Variants in CNTN5 observed in about 807,000 individuals in gnomAD.
CNTN5 encodes contactin-5.
In CNTN5, 77 loss-of-function variants were observed where a neutral mutation model predicts 129.1. That is an observed-to-expected ratio of 0.60 (90% CI 0.50 to 0.72). The LOEUF is 0.72. Among genes scored for constraint, CNTN5 ranks in the 30% least tolerant of loss-of-function variants. The pLI, the probability that CNTN5 is intolerant of heterozygous loss-of-function variation, is 0.00. For synonymous variants in CNTN5, 509 were observed against 465.6 expected, an observed-to-expected ratio of 1.09 and a Z score of -1.20; for missense variants, 1,478 against 1,328.8, an observed-to-expected ratio of 1.11 and a Z score of -1.75.
intron 2 of CNTN5, among the ~76,000 whole-genome samples, chr11:99,501,211 A>G (rs1266664368): frequency 2.0e-5 from 3 of 152,146 alleles, no homozygotes; most frequent in African/African-American, 7.2e-5. Context: ...ATTGAGTTGA[A>G]TCTACTATTC....
intron 1 of CNTN5, among the ~76,000 whole-genome samples, chr11:99,294,569 A>C (rs1048105249): frequency 6.6e-6 from 1 of 152,332 alleles, no homozygotes; most frequent in African/African-American, 2.4e-5. Context: ...TGGATGAAGT[A>C]ATATTGTTAT....
At chr11:99,171,287 T>C (rs1861137684) in intron 1 of CNTN5, among the ~76,000 whole-genome samples, 1 of 152,194 alleles carries the variant, frequency 6.6e-6, no homozygotes, top group Admixed American at 6.6e-5. Flanking sequence ...AAAATTTGCA[T>C]AGAGAGTGAT....
intron 2 of CNTN5, among the ~76,000 whole-genome samples, chr11:99,453,388 G>T (rs1256893382): frequency 2.0e-5 from 3 of 152,124 alleles, no homozygotes; most frequent in Non-Finnish European, 4.4e-5. Flanking sequence ...ATTCATAACT[G>T]AAACCATTTG....
At chr11:99,582,580 C>G (rs917647546) in intron 3 of CNTN5, among the ~76,000 whole-genome samples, 42 of 152,320 alleles carry the variant, frequency 2.8e-4, no homozygotes, top group African/African-American at 8.9e-4. Context: ...TTCATTTCGT[C>G]TTCCATCGCT....
At chr11:99,793,146 T>C (rs909493326) in intron 3 of CNTN5, among the ~76,000 whole-genome samples, 1 of 151,770 alleles carries the variant, frequency 6.6e-6, no homozygotes, top group African/African-American at 2.4e-5. Context: ...TGCAACCTCT[T>C]CCTCCCAGGT....
intron 2 of CNTN5, among the ~76,000 whole-genome samples, chr11:99,521,708 G>A (rs186595008): frequency 6.6e-6 from 1 of 152,302 alleles, no homozygotes; most frequent in Non-Finnish European, 1.5e-5. Flanking sequence ...TCTTGTTGCT[G>A]TAGTTGACTC....
intron 1 of CNTN5, among the ~76,000 whole-genome samples, chr11:99,180,203 A>C (rs750342818): frequency 4.2e-4 from 64 of 152,342 alleles, no homozygotes; most frequent in Non-Finnish European, 8.1e-4. Flanking sequence ...CAAATGATAT[A>C]ATAATAAGCA....
At chr11:99,959,798 A>G (rs1220479288) in intron 8 of CNTN5, among the ~76,000 whole-genome samples, 2 of 152,216 alleles carry the variant, frequency 1.3e-5, no homozygotes, top group East Asian at 3.8e-4. Flanking sequence ...CCAGGTAGGA[A>G]GCATCTGCTA....
At chr11:99,834,435 A>T (rs1334183095) in intron 4 of CNTN5, among the ~76,000 whole-genome samples, 1 of 152,152 alleles carries the variant, frequency 6.6e-6, no homozygotes, top group Non-Finnish European at 1.5e-5. Flanking sequence ...CTAAGGTAGA[A>T]AGATTGGTTT....
intron 4 of CNTN5, among the ~76,000 whole-genome samples, chr11:99,840,601 T>C (rs538970410): frequency 6.6e-6 from 1 of 152,130 alleles, no homozygotes; most frequent in African/African-American, 2.4e-5. Flanking sequence ...CAACTACAGA[T>C]ACCTAGCAGT....
At chr11:100,284,155 G>T (rs1950711288) in intron 18 of CNTN5, among the ~76,000 whole-genome samples, 1 of 152,148 alleles carries the variant, frequency 6.6e-6, no homozygotes, top group Admixed American at 6.5e-5. Flanking sequence ...GGTGGTCTCA[G>T]TGATTCAAGA....
intron 3 of CNTN5, among the ~76,000 whole-genome samples, chr11:99,765,782 G>A (rs2135304650): frequency 6.6e-6 from 1 of 151,552 alleles, no homozygotes; most frequent in East Asian, 1.9e-4. Context: ...CTCTAGAAGG[G>A]TACACAAAAG....
At chr11:99,680,870 G>A (rs930003916) in intron 3 of CNTN5, among the ~76,000 whole-genome samples, 1 of 150,830 alleles carries the variant, frequency 6.6e-6, no homozygotes, top group Non-Finnish European at 1.5e-5. Context: ...CTTATGCAAA[G>A]TAAATTAAAA....
At chr11:99,803,205 AG>A (rs1315439487) in intron 3 of CNTN5, among the ~76,000 whole-genome samples, 5 of 152,136 alleles carry the variant, frequency 3.3e-5, no homozygotes, top group Admixed American at 2.6e-4. Flanking sequence ...TGGAGTAGAG[AG>A]GGCCCTGCTG....
chr11:100,097,368 T>C (rs1945043189), intron 13 of CNTN5, among the ~76,000 whole-genome samples: 1 of 152,036 alleles, frequency 6.6e-6, no homozygotes, highest in African/African-American at 2.4e-5. Context: ...ATGTCACAGT[T>C]CCCTGTATAA....
At chr11:99,792,857 G>C (rs1439110620) in intron 3 of CNTN5, among the ~76,000 whole-genome samples, 2 of 152,022 alleles carry the variant, frequency 1.3e-5, no homozygotes, top group Non-Finnish European at 2.9e-5. Context: ...GTCTTGGGTG[G>C]TTGTATGTTT....
chr11:99,555,851 C>T (rs1475018440), intron 2 of CNTN5, among the ~76,000 whole-genome samples: 4 of 151,788 alleles, frequency 2.6e-5, no homozygotes, highest in Non-Finnish European at 5.9e-5. Flanking sequence ...TACACATTCC[C>T]TGTGAGGAAA....
intron 3 of CNTN5, among the ~76,000 whole-genome samples, chr11:99,802,303 C>T (rs921798671): frequency 6.6e-6 from 1 of 152,132 alleles, no homozygotes; most frequent in African/African-American, 2.4e-5. Context: ...TCTGCTGCCT[C>T]AGGGAATGAG....
At chr11:99,961,140 T>G (rs11222058) in intron 8 of CNTN5, among the ~76,000 whole-genome samples, 38,732 of 143,808 alleles carry the variant, frequency 0.27, 5,711 homozygotes, top group African/African-American at 0.39. Context: ...GGGAGGCGGA[T>G]GCTGCAGTGA....
Sources: gnomAD v4.1 joint callset for allele counts (sites outside exome capture counted in the v4.1 genomes callset) on GRCh38, gnomAD v4.1.1 for gene constraint, MANE v1.5 for transcripts, NCBI Gene and HGNC (gene_info 2026-07-23, HGNC 2026-07-21) for gene names.